PPP6R2: variants seen among roughly 807,000 people sequenced by gnomAD.
The protein encoded by PPP6R2 is protein phosphatase 6 regulatory subunit 2.
In PPP6R2, 62 loss-of-function variants were observed where a neutral mutation model predicts 100.2. The observed-to-expected ratio is 0.62, with a 90% CI of 0.50 to 0.76. The LOEUF is 0.76. Among genes scored for constraint, PPP6R2 ranks in the 30% least tolerant of loss-of-function variants. The probability of loss-of-function intolerance (pLI) is 0.00; values close to 1 mark genes in which losing one functional copy is unlikely to be tolerated. For synonymous variants in PPP6R2, 525 were observed against 514.7 expected (o/e 1.02, Z -0.27); for missense variants, 1,142 against 1,276.3 (o/e 0.89, Z 1.60).
At chr22:50,419,105 G>T (rs891179317) in intron 7 of PPP6R2, 126 bp downstream of exon 7, 3 of 828,884 alleles carry the variant, frequency 3.6e-6, no homozygotes, top group Admixed American at 4.7e-5. Flanking sequence ...ATGAACCCCA[G>T]GTTCAGAGCC....
intron 1 of PPP6R2, among the ~76,000 whole-genome samples, chr22:50,362,983 T>C (rs1200486854): frequency 5.3e-5 from 8 of 152,200 alleles, no homozygotes; most frequent in Non-Finnish European, 8.8e-5. Flanking sequence ...AGAGCAGTCA[T>C]TGAAGACTGG....
chr22:50,411,937 C>T (rs528509607), intron 4 of PPP6R2, among the ~76,000 whole-genome samples: 8 of 150,584 alleles, frequency 5.3e-5, no homozygotes, highest in South Asian at 4.2e-4. Context: ...CCCAGCTACT[C>T]GGGAGCCTGA....
chr22:50,438,042 C>G (rs1166815963), intron 17 of PPP6R2, 132 bp from the exon 18 acceptor site: 1 of 1,490,208 alleles, frequency 6.7e-7, no homozygotes, highest in East Asian at 2.3e-5. Flanking sequence ...GCTTTCCTTG[C>G]CCCTCCCCGT....
At chr22:50,402,731 T>C (rs1232978175) in intron 3 of PPP6R2, among the ~76,000 whole-genome samples, 1 of 152,244 alleles carries the variant, frequency 6.6e-6, no homozygotes, top group Non-Finnish European at 1.5e-5. Flanking sequence ...CTCCATCTGC[T>C]GTGTTTGACT....
intron 10 of PPP6R2, among the ~76,000 whole-genome samples, chr22:50,430,503 A>G (rs1015770995): frequency 2.6e-5 from 4 of 152,368 alleles, no homozygotes; most frequent in Middle Eastern, 3.4e-3. Context: ...GTTAAAGTTG[A>G]TTGTATACAG....
chr22:50,437,497 C>T lies in PPP6R2; in HGVS notation c.1684-9C>T, dbSNP rs1402944716. 7.7e-7 allele frequency: 1 copy of T among 1,291,782 alleles called. No individual in the cohort carries two copies. Among genetic ancestry groups the T allele is most frequent in the Admixed American group, 1.7e-5 (1 of 58,884 alleles). 80.0% of individuals were successfully genotyped at this position (1,291,782 alleles called of 1,614,324 possible). A position where few individuals can be genotyped will look rare whatever the true frequency, so the allele number is the denominator to read the frequency against. On this transcript the variant is annotated splice_polypyrimidine_tract_variant and intron_variant, in intron 15 of 23. Transcript: ENST00000612753. ...TCTGTCCGTCCCTCCCTCCCTCCCT[C>T]CCTCCCAGGCCTTCTCTGACTACCA...
At position 50,386,532 on chromosome 22, in the gene PPP6R2, A is replaced by G. The variant is rs1283489211; in HGVS notation, c.-16-7361A>G. Among the ~76,000 whole-genome samples the G allele has an allele frequency of 2.0e-5, 3 of 152,220 alleles. No homozygotes were observed. The East Asian group carries it at 5.8e-4, about 29-fold the overall frequency. ...CTTGCTCAAATTGTAGTAAGGTACA[A>G]ACCGAGCTTCTGCAGCAAGGAGGTC... On this transcript the variant is annotated intron_variant, in intron 2 of 23. Coordinates refer to ENST00000612753, the MANE Select transcript of PPP6R2 (RefSeq NM_001242898.2).
intron 2 of PPP6R2, among the ~76,000 whole-genome samples, chr22:50,389,988 CT>C (rs1009252492): frequency 1.5e-5 from 2 of 129,356 alleles, no homozygotes; most frequent in South Asian, 3.5e-4. Flanking sequence ...TTTTCTTTTT[CT>C]TTTTTTTTCT....
At chr22:50,332,414 T>C in the PPP6R2 span, among the ~76,000 whole-genome samples, 1 of 151,680 alleles carries the variant, frequency 6.6e-6, no homozygotes, top group Non-Finnish European at 1.5e-5. Context: ...GTATTTTTAG[T>C]AGAAGCGGGG....
intron 14 of PPP6R2, 69 bp downstream of exon 14, chr22:50,436,521 T>G (rs2148275580): frequency 6.8e-7 from 1 of 1,475,398 alleles, no homozygotes; most frequent in Non-Finnish European, 9.3e-7. Flanking sequence ...GCTCCTGCCT[T>G]TGCCCTGAGG....
At chr22:50,406,423 T>C (rs2058969497) in intron 3 of PPP6R2, among the ~76,000 whole-genome samples, 1 of 152,164 alleles carries the variant, frequency 6.6e-6, no homozygotes. Flanking sequence ...TGAGAAAGGT[T>C]ATTTAAAGAA....
intron 2 of PPP6R2, among the ~76,000 whole-genome samples, chr22:50,375,123 CATGT>C (rs1401468963): frequency 6.6e-6 from 1 of 151,976 alleles, no homozygotes; most frequent in Non-Finnish European, 1.5e-5. Flanking sequence ...GCGACGAGAG[CATGT>C]ATGTTTTATT....
chr22:50,375,981 T>C (rs1054984031), intron 2 of PPP6R2, among the ~76,000 whole-genome samples: 1 of 151,644 alleles, frequency 6.6e-6, no homozygotes, highest in African/African-American at 2.4e-5. Context: ...GCTGGGACTA[T>C]AGGCGTGTGT....
chr22:50,338,680 A>G (rs372721638), upstream of PPP6R2, among the ~76,000 whole-genome samples: 63,248 of 110,442 alleles, frequency 0.57, 15,824 homozygotes, highest in African/African-American at 0.74. Flanking sequence ...GTGTGTGTGT[A>G]GTATGTGGTG....
intron 23 of PPP6R2, 37 bp from the exon 24 acceptor site, chr22:50,444,162 C>A: frequency 1.9e-6 from 3 of 1,612,190 alleles, no homozygotes; most frequent in Non-Finnish European, 2.5e-6. Flanking sequence ...ACAGGGCCCG[C>A]AGCCCGCACG....
At chr22:50,346,543 A>G (rs1360696781) in intron 1 of PPP6R2, among the ~76,000 whole-genome samples, 1 of 18,780 alleles carries the variant, frequency 5.3e-5, no homozygotes, top group East Asian at 1.4e-3. Flanking sequence ...CTGTTCCCCC[A>G]CCCTACACCA....
At chr22:50,384,584 A>G (rs2053823281) in intron 2 of PPP6R2, among the ~76,000 whole-genome samples, 1 of 152,192 alleles carries the variant, frequency 6.6e-6, no homozygotes, top group Non-Finnish European at 1.5e-5. Context: ...AATTTATTTC[A>G]TATGGTTATG....
Position 50,431,047 on chromosome 22 carries a change from C to A in PPP6R2, c.1126-126C>A. 1.3e-6 allele frequency: 1 copy of A among 750,602 alleles called. No homozygotes were observed. Among genetic ancestry groups the A allele is most frequent in the Non-Finnish European group, 2.2e-6 (1 of 448,068 alleles). The allele number at this position is 750,602 out of a possible 1,614,324, so 46.5% of individuals were successfully genotyped here. A position where few individuals can be genotyped will look rare whatever the true frequency, so the allele number is the denominator to read the frequency against. On this transcript the variant is annotated intron_variant, in intron 10 of 23. Coordinates refer to ENST00000612753, the MANE Select transcript of PPP6R2 (RefSeq NM_001242898.2). This position sits in a 1 kb window ranked among gnomAD's most constrained non-coding sequence, Gnocchi z 4.8. Reference sequence around the variant, plus strand: ...GAAAACGCTTAAAACTCCTTCCTAGCTACCCAGAGACTGGACTTGTGAGGA... The same window carrying A: ...GAAAACGCTTAAAACTCCTTCCTAGATACCCAGAGACTGGACTTGTGAGGA...
intron 10 of PPP6R2, among the ~76,000 whole-genome samples, chr22:50,424,470 G>GGTCCGTCCGCGTGTGGAAC (rs1461576683): frequency 1.3e-5 from 2 of 149,626 alleles, no homozygotes. Context: ...GCGTGTGGAA[G>GGTCCGTCCGCGTGTGGAAC]GTCCGTCCGC....
Sources: allele counts gnomAD v4.1 joint callset (sites outside exome capture counted in the v4.1 genomes callset), GRCh38; gene constraint gnomAD v4.1.1; non-coding constraint Gnocchi (gnomAD v3.1); transcripts MANE v1.5; gene names NCBI Gene and HGNC (gene_info 2026-07-23, HGNC 2026-07-21).